Variants in CDK12 observed in about 807,000 individuals in gnomAD.
CDK12 encodes the protein cyclin dependent kinase 12.
In CDK12, 17 loss-of-function variants were observed where a neutral mutation model predicts 133.8. The observed-to-expected ratio is 0.13, with a 90% confidence interval of 0.09 to 0.19. The LOEUF is 0.19. Ranked by LOEUF, CDK12 falls within the 10% of genes least tolerant of loss-of-function variation. The pLI is 1.00. For missense variants in CDK12, 1,508 were observed against 1,818.7 expected (o/e 0.83, Z 3.11); for synonymous variants, 694 against 683.6 (o/e 1.02, Z -0.24).
chr17:39,535,199 C>T (rs2055077493), downstream of CDK12: 1 of 152,136 alleles, frequency 6.6e-6, no homozygotes, highest in Non-Finnish European at 1.5e-5. Flanking sequence ...GTGCTGCAAT[C>T]CTGCTAGTTA....
intron 6 of CDK12, among the ~76,000 whole-genome samples, chr17:39,507,049 G>A (rs904637890): frequency 2.0e-5 from 3 of 151,542 alleles, no homozygotes; most frequent in African/African-American, 4.8e-5. Context: ...GGTGTCTGCC[G>A]CCACGCCCAG....
rs2049053918 is a variant in CDK12, at chr17:39,462,953, C to T, written c.882C>T (p.Pro294=). 1.9e-6 allele frequency: 3 copies of T among 1,614,110 alleles called. No homozygotes were observed. The highest frequency in any genetic ancestry group is 2.2e-5 in the South Asian group (2 of 91,084). ...AGTCCAGCACCCGGTCACCGAGCCCCTACAGTAGGCGACAGAGATCTGTCA... is the reference window on the plus strand; with the variant it reads ...AGTCCAGCACCCGGTCACCGAGCCCTTACAGTAGGCGACAGAGATCTGTCA... ...AYQSSTRSPS[P]YSRRQRSVSP... Residue 294 remains proline, a synonymous_variant, in exon 1 of 14, where the codon CCC becomes CCT. Coordinates refer to ENST00000447079, the MANE Select transcript of CDK12 (RefSeq NM_016507.4).
chr17:39,566,912 G>A (rs1465154965), downstream of CDK12: 1 of 152,288 alleles, frequency 6.6e-6, no homozygotes, highest in East Asian at 1.9e-4. Flanking sequence ...CATGTGATGG[G>A]ACTAATGTGG....
In CDK12 at chr17:39,462,424, G is replaced by C. The variant is rs1014209082; in HGVS notation, c.353G>C (p.Arg118Pro). 6.2e-7 allele frequency: 1 copy of C among 1,613,952 alleles called. No individual in the cohort carries two copies. The highest frequency in any genetic ancestry group is 8.5e-7 in the Non-Finnish European group (1 of 1,180,026). The change falls in exon 1 of 14, where the codon CGT (arginine) becomes CCT (proline). Residue 118 changes from arginine (R) to proline (P), a missense_variant. By Grantham distance (103) the Arg-to-Pro change is moderately radical. Transcript: ENST00000447079. Reference sequence around the variant, plus strand: ...AAACATCGTCACCACCAGCACAGGCGTTCCCGGGACTTACTAAAAGCTAAA... The same window carrying C: ...AAACATCGTCACCACCAGCACAGGCCTTCCCGGGACTTACTAAAAGCTAAA... ...LHKHRHHQHR[R>P]SRDLLKAKQT...
chr17:39,545,618 C>A (rs1193842664), upstream of CDK12, among the ~76,000 whole-genome samples: 10 of 151,436 alleles, frequency 6.6e-5, no homozygotes, highest in African/African-American at 2.4e-4. Flanking sequence ...CCTGTCTCAG[C>A]CTCCTGAGCA....
Position 39,521,356 on chromosome 17 carries a change from C to T in CDK12, c.3095+1269C>T, listed in dbSNP as rs1359200766. Among the ~76,000 whole-genome samples, 6 of 151,784 alleles carry T rather than the reference C, an allele frequency of 4.0e-5. No individual in the cohort carries two copies. The East Asian group carries it at 5.8e-4, about 15-fold the overall frequency. Reference sequence around the variant, plus strand: ...TGTGATATTGGCTCACTGCAATCTCCGCCTCCCAGTTTCAAGCAATTCTCC... The same window carrying T: ...TGTGATATTGGCTCACTGCAATCTCTGCCTCCCAGTTTCAAGCAATTCTCC... On this transcript the variant is annotated intron_variant, in intron 11 of 13. Coordinates refer to ENST00000447079, the MANE Select transcript of CDK12 (RefSeq NM_016507.4).
intron 2 of CDK12, among the ~76,000 whole-genome samples, chr17:39,554,830 G>A (rs948359578): frequency 6.7e-5 from 10 of 149,830 alleles, no homozygotes; most frequent in African/African-American, 2.5e-4. Context: ...AGTGATCTCC[G>A]AGTTGAGATC....
At chr17:39,542,209 G>C (rs937803925) in intron 1 of CDK12, among the ~76,000 whole-genome samples, 1 of 150,140 alleles carries the variant, frequency 6.7e-6, no homozygotes, top group Non-Finnish European at 1.5e-5. Flanking sequence ...TTTTTGAGAC[G>C]GAGTTTCGCT....
At chr17:39,519,285 G>A (rs1028048409) in intron 10 of CDK12, among the ~76,000 whole-genome samples, 4 of 142,414 alleles carry the variant, frequency 2.8e-5, no homozygotes, top group Non-Finnish European at 6.1e-5. Flanking sequence ...GGTTTTACAT[G>A]GAAATTCAAA....
intron 1 of CDK12, chr17:39,550,811 T>A (rs902786877): frequency 6.6e-6 from 1 of 151,954 alleles, no homozygotes; most frequent in African/African-American, 2.4e-5. Context: ...GGTGGATCAC[T>A]TGAGGCCAGG....
At position 39,492,840 on chromosome 17, in the gene CDK12, T is replaced by C. The variant is rs1567725465; in HGVS notation, c.2198T>C (p.Ile733Thr). Residue 733 changes from isoleucine (I) to threonine (T), a missense_variant, in exon 4 of 14, where the codon ATT becomes ACT. Around this residue, in one of 9 missense-constraint regions of CDK12, gnomAD observed 74 missense variants for 160.2 expected, o/e 0.46. Coordinates refer to ENST00000447079, the MANE Select transcript of CDK12 (RefSeq NM_016507.4). ...CVDKFDIIGI[I>T]GEGTYGQVYK... ...GACAAGTTTGACATTATTGGGATTA[T>C]TGGAGAAGGAACCTATGGCCAAGTA... is the stretch of plus-strand genomic sequence containing the variant. 6.2e-7 allele frequency: 1 copy of C among 1,613,584 alleles called. No homozygotes were observed. The highest frequency in any genetic ancestry group is 2.2e-5 in the East Asian group (1 of 44,848).
intron 6 of CDK12, among the ~76,000 whole-genome samples, chr17:39,508,528 G>A (rs2053276944): frequency 6.6e-6 from 1 of 151,984 alleles, no homozygotes; most frequent in Non-Finnish European, 1.5e-5. Context: ...ATTCCTTCAT[G>A]CAGGAGGAGA....
intron 2 of CDK12, among the ~76,000 whole-genome samples, chr17:39,473,345 A>G (rs2049945170): frequency 6.6e-6 from 1 of 152,216 alleles, no homozygotes; most frequent in Non-Finnish European, 1.5e-5. Flanking sequence ...ATAATTCACA[A>G]TGGGATGATG....
At chr17:39,482,457 C>T (rs1181983964) in intron 2 of CDK12, among the ~76,000 whole-genome samples, 1 of 151,882 alleles carries the variant, frequency 6.6e-6, no homozygotes, top group Admixed American at 6.6e-5. Context: ...TGCTTGGTTT[C>T]CATTTTTTAT....
chr17:39,495,384 GTTTT>G (rs60185847), intron 5 of CDK12, among the ~76,000 whole-genome samples: 2,542 of 110,652 alleles, frequency 0.023, 68 homozygotes, highest in Non-Finnish European at 0.029. Context: ...GGCCTCATGT[GTTTT>G]TTTTTTTTTT....
chr17:39,509,784 A>G (rs759546085), intron 7 of CDK12, 23 bp downstream of exon 7: 3 of 1,559,108 alleles, frequency 1.9e-6, no homozygotes, highest in East Asian at 2.2e-5. Flanking sequence ...TTAAAATTAC[A>G]TGTGGGAAAT....
Position 39,531,584 on chromosome 17 carries a change from T to A in CDK12, c.*268T>A. ...ATACAAGTAGAGAATATGGAGAGGA[T>A]CATTACATTGAAAAGTAAATGTTTT... On this transcript the variant is annotated 3_prime_UTR_variant, in exon 14 of 14. Transcript: ENST00000447079. 2 of 365,312 alleles carry A rather than the reference T, an allele frequency of 5.5e-6. No individual in the cohort carries two copies. The allele number at this position is 365,312 out of a possible 1,614,324, so 22.6% of individuals were successfully genotyped here.
chr17:39,478,228 G>A (rs1362973153), intron 2 of CDK12, among the ~76,000 whole-genome samples: 1 of 150,056 alleles, frequency 6.7e-6, no homozygotes, highest in African/African-American at 2.4e-5. Flanking sequence ...GATTCCTGCT[G>A]TCACTCAAGC....
intron 5 of CDK12, among the ~76,000 whole-genome samples, chr17:39,495,563 G>A (rs1408453837): frequency 1.3e-5 from 2 of 151,766 alleles, no homozygotes; most frequent in African/African-American, 2.4e-5. Flanking sequence ...AGGCCGAGGT[G>A]GGCAGATCAC....
Sources: allele counts gnomAD v4.1 joint callset (sites outside exome capture counted in the v4.1 genomes callset), GRCh38; gene constraint gnomAD v4.1.1; regional missense constraint gnomAD v4.1.1; transcripts MANE v1.5; gene names NCBI Gene and HGNC (gene_info 2026-07-23, HGNC 2026-07-21).